The following ZNF469 variants were observed in gnomAD, a reference collection of about 807,000 sequenced individuals.
ZNF469 encodes zinc finger protein 469.
Under a neutral mutation model 1.0 loss-of-function variants are expected in ZNF469, and 1 was observed. That is an observed-to-expected ratio of 1.00 (90% confidence interval 0.35 to 4.73). The LOEUF (loss-of-function observed/expected upper bound fraction) is 4.73. Among genes scored for constraint, ZNF469 ranks in the 30% most tolerant of loss-of-function variants. The probability of loss-of-function intolerance (pLI) is 0.16; values close to 1 mark genes in which losing one functional copy is unlikely to be tolerated. For missense variants in ZNF469, 6,100 were observed against 5,356.3 expected (o/e 1.14, Z -4.33); for synonymous variants, 2,703 against 2,363.4 (o/e 1.14, Z -4.17).
chr16:88,345,778 G>C, the ZNF469 span, among the ~76,000 whole-genome samples: 1 of 152,306 alleles, frequency 6.6e-6, no homozygotes, highest in Admixed American at 6.5e-5. Context: ...AAGAAGGAGG[G>C]TTTTACGAGA....
At chr16:88,122,158 C>T in the ZNF469 span, among the ~76,000 whole-genome samples, 4 of 147,194 alleles carry the variant, frequency 2.7e-5, no homozygotes, top group East Asian at 3.9e-4. Flanking sequence ...CCCCGTCACT[C>T]GGTATGGCCA....
chr16:88,368,033 A>C, the ZNF469 span, among the ~76,000 whole-genome samples: 1 of 152,218 alleles, frequency 6.6e-6, no homozygotes, highest in Non-Finnish European at 1.5e-5. Context: ...ACACAGGATG[A>C]GAGAGGAAAT....
the ZNF469 span, chr16:88,195,152 A>C: frequency 6.6e-6 from 1 of 152,240 alleles, no homozygotes; most frequent in Non-Finnish European, 1.5e-5. Flanking sequence ...CTCAGAATAC[A>C]GCTGGCTGTG....
At chr16:88,167,117 A>T in the ZNF469 span, among the ~76,000 whole-genome samples, 4 of 133,836 alleles carry the variant, frequency 3.0e-5, no homozygotes, top group African/African-American at 1.2e-4. Flanking sequence ...GCTGGAGTGC[A>T]GTGGTGTGAT....
At chr16:88,149,211 C>G in the ZNF469 span, among the ~76,000 whole-genome samples, 13 of 152,188 alleles carry the variant, frequency 8.5e-5, no homozygotes, top group Non-Finnish European at 1.6e-4. Context: ...GGACAGCAGC[C>G]AGGCCCGCTT....
In ZNF469 at chr16:88,432,585, T is replaced by G. The variant is rs1458009273; in HGVS notation, c.5115T>G (p.Thr1705=). Residue 1705 remains threonine, a synonymous_variant, in exon 3 of 3, where the codon ACT becomes ACG. Transcript: ENST00000565624. The part of the protein sequence containing the change: ...QPVQKAGASK[T]GLCQAEGDSR... ...TGCAGAAAGCCGGAGCCTCCAAGACTGGACTTTGCCAGGCAGAAGGAGACA... is the reference window on the plus strand; with the variant it reads ...TGCAGAAAGCCGGAGCCTCCAAGACGGGACTTTGCCAGGCAGAAGGAGACA... 2 of 1,550,418 alleles carry G rather than the reference T, an allele frequency of 1.3e-6. No homozygotes were observed. Among genetic ancestry groups the G allele is most frequent in the Non-Finnish European group, 1.7e-6 (2 of 1,146,982 alleles).
At chr16:88,373,323 G>C in the ZNF469 span, among the ~76,000 whole-genome samples, 6 of 152,228 alleles carry the variant, frequency 3.9e-5, no homozygotes. Context: ...TGTGTGACAG[G>C]ATGTGTTAGG....
the ZNF469 span, among the ~76,000 whole-genome samples, chr16:88,226,988 C>G: frequency 5.4e-3 from 812 of 150,786 alleles, 27 homozygotes; most frequent in African/African-American, 0.019. Context: ...CCGGGGCCTG[C>G]GCGTTTCCAC....
intron 1 of ZNF469, among the ~76,000 whole-genome samples, chr16:88,398,222 A>G (rs1048612377): frequency 2.0e-4 from 30 of 151,470 alleles, no homozygotes; most frequent in Admixed American, 1.3e-3. Context: ...CCTCCTCACT[A>G]CTGGTCCTGT....
rs1199257823 is a variant in ZNF469 at position 88,432,468 on chromosome 16, G to C, written c.4998G>C (p.Pro1666=). Residue 1666 remains proline (P), a synonymous_variant, in exon 3 of 3, where the codon CCG becomes CCC. Transcript: ENST00000565624. ...GTWPCPASFH[P]GHAALLPCAQ... is the part of the protein sequence containing the mutation. ...GGCCCTGCCCAGCCTCCTTCCATCC[G>C]GGACATGCAGCCCTTCTCCCCTGTG... The C allele has an allele frequency of 1.4e-5, 21 of 1,550,362 alleles. No individual in the cohort carries two copies. The highest frequency in any genetic ancestry group is 1.7e-5 in the Non-Finnish European group (20 of 1,146,984).
chr16:88,173,650 T>G, the ZNF469 span, among the ~76,000 whole-genome samples: 7 of 152,244 alleles, frequency 4.6e-5, no homozygotes, highest in Admixed American at 4.6e-4. Flanking sequence ...TTTTGGGGTT[T>G]ATAGTATATG....
chr16:88,417,070 G>A (rs1223253807), intron 1 of ZNF469, among the ~76,000 whole-genome samples: 3 of 152,216 alleles, frequency 2.0e-5, no homozygotes, highest in Non-Finnish European at 4.4e-5. Flanking sequence ...CTTGGGCACC[G>A]CCTGCCCTTT....
chr16:88,377,071 A>C, the ZNF469 span, among the ~76,000 whole-genome samples: 1 of 152,250 alleles, frequency 6.6e-6, no homozygotes, highest in Non-Finnish European at 1.5e-5. Context: ...GGGACTTGCC[A>C]GAGCTGGAGG....
rs116393295 is a variant in ZNF469 at position 88,413,418 on chromosome 16, G to A, written c.-191-11389G>A. Reference sequence around the variant, plus strand: ...GAGGAGACAGCAAAGGAGAGGCCCAGCAGGCCGAGGCCCGGCGCACCGTGG... The same window carrying A: ...GAGGAGACAGCAAAGGAGAGGCCCAACAGGCCGAGGCCCGGCGCACCGTGG... On this transcript the variant is annotated intron_variant, in intron 1 of 2. Transcript: ENST00000565624. Among the ~76,000 whole-genome samples the A allele has an allele frequency of 9.4e-3, 1,435 of 152,238 alleles. 29 individuals are homozygous for A. Among genetic ancestry groups the A allele is most frequent in the African/African-American group, 0.033 (1,365 of 41,548 alleles).
chr16:88,233,763 C>G, the ZNF469 span, among the ~76,000 whole-genome samples: 1 of 152,222 alleles, frequency 6.6e-6, no homozygotes, highest in African/African-American at 2.4e-5. Context: ...TTCAGGACCC[C>G]GATGGGGACG....
At chr16:88,216,450 C>T in the ZNF469 span, among the ~76,000 whole-genome samples, 16 of 150,726 alleles carry the variant, frequency 1.1e-4, no homozygotes, top group South Asian at 1.1e-3. Context: ...GCCGAGATCA[C>T]GCCACTGCAC....
the ZNF469 span, among the ~76,000 whole-genome samples, chr16:88,377,327 G>A: frequency 1.3e-5 from 2 of 152,340 alleles, no homozygotes; most frequent in South Asian, 2.1e-4. Flanking sequence ...ACCCTCTGCC[G>A]ACCCATGGGC....
chr16:88,171,746 G>A, the ZNF469 span, among the ~76,000 whole-genome samples: 1 of 152,168 alleles, frequency 6.6e-6, no homozygotes, highest in Non-Finnish European at 1.5e-5. Context: ...CTGATATCAT[G>A]TCCTTCCTGC....
the ZNF469 span, among the ~76,000 whole-genome samples, chr16:88,145,226 G>C: frequency 6.6e-6 from 1 of 152,012 alleles, no homozygotes; most frequent in Non-Finnish European, 1.5e-5. Flanking sequence ...GTCATGTTCA[G>C]GGAAACAGCT....
Sources: allele counts gnomAD v4.1 joint callset (sites outside exome capture counted in the v4.1 genomes callset), GRCh38; gene constraint gnomAD v4.1.1; transcripts MANE v1.5; gene names NCBI Gene and HGNC (gene_info 2026-07-23, HGNC 2026-07-21).